KIRREL3: variants seen among roughly 807,000 people sequenced by gnomAD.
KIRREL3 encodes the protein kin of IRRE-like protein 3.
A neutral mutation model predicts 89.7 loss-of-function variants in KIRREL3; 36 were observed. That is an observed-to-expected ratio of 0.40 (90% CI 0.31 to 0.53). KIRREL3 has a LOEUF of 0.53. KIRREL3 is among the 20% of genes least tolerant of loss of function. The pLI is 0.49. For synonymous variants in KIRREL3, 445 were observed against 441.4 expected (o/e 1.01, Z -0.10); for missense variants, 864 against 1,056.6 (o/e 0.82, Z 2.53).
chr11:126,427,569 A>G lies in KIRREL3; in HGVS notation c.1806+1610T>C, dbSNP rs1954990550. On this transcript the variant is annotated intron_variant, in intron 15 of 16. Coordinates refer to ENST00000525144, the MANE Select transcript of KIRREL3 (RefSeq NM_032531.4). This position sits in a 1 kb window ranked among gnomAD's most constrained non-coding sequence, Gnocchi z 5.3. ...TTGAAGTCCAAAAGATTCGAAGGCC[A>G]GGAATCAAGCTCTTTGGCATGTCTG... is the stretch of plus-strand genomic sequence containing the variant. Among the ~76,000 whole-genome samples, 1 of 152,248 alleles carries G rather than the reference A, an allele frequency of 6.6e-6. No individual in the cohort carries two copies. Among genetic ancestry groups the G allele is most frequent in the South Asian group, 2.1e-4 (1 of 4,830 alleles).
chr11:126,570,565 C>T lies in KIRREL3; in HGVS notation c.56-7653G>A, dbSNP rs1940849728. ...GCAGCAAGCCTCCCTCACACACCTG[C>T]TGATCACGTGCCGATCAGCACCTTA... On this transcript the variant is annotated intron_variant, in intron 1 of 16. Coordinates refer to ENST00000525144, the MANE Select transcript of KIRREL3 (RefSeq NM_032531.4). This position sits in a 1 kb window ranked among gnomAD's most constrained non-coding sequence, Gnocchi z 6.1. 6.6e-6 allele frequency among the ~76,000 whole-genome samples: 1 copy of T among 152,244 alleles called. No homozygotes were observed. The highest frequency in any genetic ancestry group is 1.5e-5 in the Non-Finnish European group (1 of 68,042).
rs1321043479 is a variant in KIRREL3, at chr11:126,739,888, C to T, written c.56-176976G>A. Among the ~76,000 whole-genome samples, 2 of 152,184 alleles carry T rather than the reference C, an allele frequency of 1.3e-5. No homozygotes were observed. The highest frequency in any genetic ancestry group is 2.9e-5 in the Non-Finnish European group (2 of 68,034). On this transcript the variant is annotated intron_variant, in intron 1 of 16. Transcript: ENST00000525144. The surrounding 1 kb of genome is among the most constrained non-coding windows in gnomAD (Gnocchi z 5.5). ...AGAAGGAGCACTTAGAATTTTGACA[C>T]TGCACTTTGATCAGTTTGACGGGTT...
At position 126,530,178 on chromosome 11, in the gene KIRREL3, C is replaced by T. The variant is rs921202530; in HGVS notation, c.134-3491G>A. On this transcript the variant is annotated intron_variant, in intron 2 of 16. Coordinates refer to ENST00000525144, the MANE Select transcript of KIRREL3 (RefSeq NM_032531.4). The surrounding 1 kb of genome is among the most constrained non-coding windows in gnomAD (Gnocchi z 5.8). The stretch of plus-strand genomic sequence containing the variant: ...TTGGCTCACTGCAACCTTTGCCTCC[C>T]GGTTCAAGTGATTCTCCTGCCTCAG... Among the ~76,000 whole-genome samples the T allele has an allele frequency of 3.9e-5, 6 of 152,074 alleles. No homozygotes were observed. The highest frequency in any genetic ancestry group is 9.7e-5 in the African/African-American group (4 of 41,408).
At chr11:126,499,363 G>GC (rs1450834808) in intron 4 of KIRREL3, among the ~76,000 whole-genome samples, 1 of 151,998 alleles carries the variant, frequency 6.6e-6, no homozygotes, top group African/African-American at 2.4e-5. Flanking sequence ...ACTCCCGGTT[G>GC]CCCTACTTAC....
chr11:126,608,280 G>A lies in KIRREL3; in HGVS notation c.56-45368C>T, dbSNP rs1942973290. On this transcript the variant is annotated intron_variant, in intron 1 of 16. Coordinates refer to ENST00000525144, the MANE Select transcript of KIRREL3 (RefSeq NM_032531.4). The surrounding 1 kb of genome is among the most constrained non-coding windows in gnomAD (Gnocchi z 4.9). The stretch of plus-strand genomic sequence containing the variant: ...CCTCCTATCCACCTGGCAGGCGTTT[G>A]GAACAACGTGCTGAATAACAGCAGC... 6.6e-6 allele frequency among the ~76,000 whole-genome samples: 1 copy of A among 152,202 alleles called. No individual in the cohort carries two copies. The highest frequency in any genetic ancestry group is 2.1e-4 in the South Asian group (1 of 4,832).
At position 126,771,565 on chromosome 11, in the gene KIRREL3, C is replaced by T. The variant is rs1727737241; in HGVS notation, c.56-208653G>A. 6.6e-6 allele frequency among the ~76,000 whole-genome samples: 1 copy of T among 152,174 alleles called. No homozygotes were observed. Among genetic ancestry groups the T allele is most frequent in the South Asian group, 2.1e-4 (1 of 4,828 alleles). The stretch of plus-strand genomic sequence containing the variant: ...ACAGCAAAACCTGCAATTACTTTTG[C>T]ACCAACCGAAATAGTTTTACCAGGG... On this transcript the variant is annotated intron_variant, in intron 1 of 16. Transcript: ENST00000525144. The surrounding 1 kb of genome is among the most constrained non-coding windows in gnomAD (Gnocchi z 4.4).
intron 1 of KIRREL3, among the ~76,000 whole-genome samples, chr11:126,828,091 T>G (rs1270736687): frequency 1.3e-5 from 2 of 152,218 alleles, no homozygotes; most frequent in African/African-American, 4.8e-5. Flanking sequence ...ATGTGAAGCA[T>G]TTAGTAAAGT....
chr11:126,450,781 G>T (rs886860097), intron 7 of KIRREL3, among the ~76,000 whole-genome samples: 3 of 151,666 alleles, frequency 2.0e-5, no homozygotes, highest in Non-Finnish European at 4.4e-5. Context: ...GTGAGGGTGT[G>T]CATCTGTGCA....
intron 4 of KIRREL3, among the ~76,000 whole-genome samples, chr11:126,493,109 A>G (rs1351859071): frequency 6.6e-6 from 1 of 152,226 alleles, no homozygotes; most frequent in East Asian, 1.9e-4. Flanking sequence ...GCAGAGTAGC[A>G]ACCTGCCTCT....
chr11:126,568,408 G>T lies in KIRREL3; in HGVS notation c.56-5496C>A, dbSNP rs1234124634. On this transcript the variant is annotated intron_variant, in intron 1 of 16. Transcript: ENST00000525144. The surrounding 1 kb of genome is among the most constrained non-coding windows in gnomAD (Gnocchi z 4.6). Reference sequence around the variant, plus strand: ...TTCCTGCTCTCTGAAGATGGCCAGAGATCAGAAAGCAAGGGAAGGACCCTC... The same window carrying T: ...TTCCTGCTCTCTGAAGATGGCCAGATATCAGAAAGCAAGGGAAGGACCCTC... 6.6e-6 allele frequency among the ~76,000 whole-genome samples: 1 copy of T among 152,230 alleles called. No individual in the cohort carries two copies. The highest frequency in any genetic ancestry group is 1.5e-5 in the Non-Finnish European group (1 of 68,046).
Position 126,449,088 on chromosome 11 carries a change from C to T in KIRREL3, c.918G>A (p.Thr306=), listed in dbSNP as rs548678938. ...GEVYRTTVDY[T]YFSEPVSCEV... ...CACAGGAGACGGGCTCTGAGAAGTA[C>T]GTGTAGTCCACTGTGGTCCTGTACA... The change falls in exon 8 of 17, where the codon ACG becomes ACA. Residue 306 remains threonine (T), a synonymous_variant. Transcript: ENST00000525144. 1.4e-5 allele frequency: 22 copies of T among 1,613,986 alleles called. No individual in the cohort carries two copies. The highest frequency in any genetic ancestry group is 3.3e-5 in the South Asian group (3 of 91,078).
At chr11:126,559,087 G>C (rs927589513) in intron 2 of KIRREL3, among the ~76,000 whole-genome samples, 3 of 151,850 alleles carry the variant, frequency 2.0e-5, no homozygotes, top group Non-Finnish European at 2.9e-5. Context: ...CCTGGGGAAG[G>C]CCTCCTCACC....
intron 1 of KIRREL3, among the ~76,000 whole-genome samples, chr11:126,675,190 T>C (rs1946133403): frequency 1.3e-5 from 2 of 152,222 alleles, no homozygotes; most frequent in Admixed American, 1.3e-4. Context: ...AGCCTTTACA[T>C]GCTAGTCTCA....
chr11:126,685,452 A>G lies in KIRREL3; in HGVS notation c.56-122540T>C, dbSNP rs1946630502. Among the ~76,000 whole-genome samples, 2 of 152,270 alleles carry G rather than the reference A, an allele frequency of 1.3e-5. No homozygotes were observed. The highest frequency in any genetic ancestry group is 4.2e-4 in the South Asian group (2 of 4,814). Reference sequence around the variant, plus strand: ...GACACTGCTAACTTCCCACCTCCACACAAGCTGATGAGACTGGCTCAGAAA... The same window carrying G: ...GACACTGCTAACTTCCCACCTCCACGCAAGCTGATGAGACTGGCTCAGAAA... On this transcript the variant is annotated intron_variant, in intron 1 of 16. Coordinates refer to ENST00000525144, the MANE Select transcript of KIRREL3 (RefSeq NM_032531.4). The surrounding 1 kb of genome is among the most constrained non-coding windows in gnomAD (Gnocchi z 5.5).
rs1275880052 is a variant in KIRREL3 at position 126,645,837 on chromosome 11, C to T, written c.56-82925G>A. On this transcript the variant is annotated intron_variant, in intron 1 of 16. Coordinates refer to ENST00000525144, the MANE Select transcript of KIRREL3 (RefSeq NM_032531.4). This position sits in a 1 kb window ranked among gnomAD's most constrained non-coding sequence, Gnocchi z 4.9. ...ACACCTTATTTTATTTCCTTTCCTT[C>T]CTTCCATGCTAAAGAGGGCCAGGGC... Among the ~76,000 whole-genome samples, 1 of 152,208 alleles carries T rather than the reference C, an allele frequency of 6.6e-6. No homozygotes were observed. Among genetic ancestry groups the T allele is most frequent in the Non-Finnish European group, 1.5e-5 (1 of 68,048 alleles).
In KIRREL3 at chr11:126,540,910, G is replaced by A. The variant is rs553511417; in HGVS notation, c.134-14223C>T. Among the ~76,000 whole-genome samples, 52 of 152,324 alleles carry A rather than the reference G, an allele frequency of 3.4e-4. 1 individual carries two copies. The South Asian group carries it at 0.011, about 31-fold the overall frequency. On this transcript the variant is annotated intron_variant, in intron 2 of 16. Coordinates refer to ENST00000525144, the MANE Select transcript of KIRREL3 (RefSeq NM_032531.4). Reference sequence around the variant, plus strand: ...TCTTCTCTGAGTCTCAGGCTCTTGTGTCTTCTGACTGGAATGTGCCCTCAC... The same window carrying A: ...TCTTCTCTGAGTCTCAGGCTCTTGTATCTTCTGACTGGAATGTGCCCTCAC...
Position 126,609,092 on chromosome 11 carries a change from C to A in KIRREL3, c.56-46180G>T, listed in dbSNP as rs2134782800. 6.6e-6 allele frequency among the ~76,000 whole-genome samples: 1 copy of A among 152,274 alleles called. No individual in the cohort carries two copies. The highest frequency in any genetic ancestry group is 1.9e-4 in the East Asian group (1 of 5,174). ...TAAAGTTACTGCCCACTCAACTCTG[C>A]ATGGAATTGTGCTGAATTGAGGAGC... On this transcript the variant is annotated intron_variant, in intron 1 of 16. Coordinates refer to ENST00000525144, the MANE Select transcript of KIRREL3 (RefSeq NM_032531.4). The surrounding 1 kb of genome is among the most constrained non-coding windows in gnomAD (Gnocchi z 5.0).
intron 13 of KIRREL3, 108 bp downstream of exon 13, chr11:126,435,160 A>T (rs1468032193): frequency 8.7e-7 from 1 of 1,148,086 alleles, no homozygotes; most frequent in African/African-American, 1.5e-5. Context: ...GGGCGGAGAC[A>T]CTAGCGGCCA....
At chr11:126,927,108 C>T (rs1160898169) in intron 1 of KIRREL3, among the ~76,000 whole-genome samples, 1 of 152,206 alleles carries the variant, frequency 6.6e-6, no homozygotes, top group East Asian at 1.9e-4. Flanking sequence ...CCAAATTAGC[C>T]TCTGGAATCA....
Sources: gnomAD v4.1 joint callset for allele counts (sites outside exome capture counted in the v4.1 genomes callset) on GRCh38, gnomAD v4.1.1 for gene constraint, Gnocchi (gnomAD v3.1) non-coding constraint, MANE v1.5 for transcripts, NCBI Gene and HGNC (gene_info 2026-07-23, HGNC 2026-07-21) for gene names.